The following ABHD5 variants were observed in gnomAD, a reference collection of about 807,000 sequenced individuals.
The protein encoded by ABHD5 is abhydrolase domain containing 5, lysophosphatidic acid acyltransferase, also known as 1-acylglycerol-3-phosphate O-acyltransferase ABHD5.
ABHD5 carries 30 observed loss-of-function variants against 44.9 expected under a neutral mutation model. The ratio of observed to expected loss-of-function variants is 0.67; its 90% confidence interval spans 0.50 to 0.91. The LOEUF is 0.91. ABHD5 is among the 40% of genes least tolerant of loss of function. The probability of loss-of-function intolerance (pLI) is 0.00; values close to 1 mark genes in which losing one functional copy is unlikely to be tolerated. For synonymous variants in ABHD5, 167 were observed against 147.0 expected (o/e 1.14, Z -0.99); for missense variants, 399 against 423.4 (o/e 0.94, Z 0.50).
intron 5 of ABHD5, 60 bp from the exon 6 acceptor site, chr3:43,717,611 A>G: frequency 6.5e-7 from 1 of 1,530,504 alleles, no homozygotes; most frequent in Non-Finnish European, 9.1e-7. Flanking sequence ...TAGAAGTGAC[A>G]GTGCAATGCA....
intron 3 of ABHD5, among the ~76,000 whole-genome samples, chr3:43,705,224 C>G (rs1198263764): frequency 1.3e-5 from 2 of 152,090 alleles, no homozygotes; most frequent in South Asian, 4.1e-4. Context: ...ATAGAAGTAT[C>G]AAGAGATAAG....
At chr3:43,724,140 T>C (rs2084862631), downstream of ABHD5, among the ~76,000 whole-genome samples, 2 of 152,146 alleles carry the variant, frequency 1.3e-5, no homozygotes, top group South Asian at 4.1e-4. Context: ...GTTTAGAATT[T>C]CCATAGTAGA....
chr3:43,699,531 C>A, intron 2 of ABHD5, 170 bp downstream of exon 2: 1 of 686,732 alleles, frequency 1.5e-6, no homozygotes, highest in Non-Finnish European at 2.5e-6. Context: ...CGGGGGCTGG[C>A]AGGTAGGAGT....
chr3:43,714,959 T>C lies in ABHD5; in HGVS notation c.674T>C (p.Val225Ala), dbSNP rs2084742775. The change falls in exon 5 of 7, where the codon GTG becomes GCG. Residue 225 changes from valine to alanine, a missense_variant. Coordinates refer to ENST00000644371, the MANE Select transcript of ABHD5 (RefSeq NM_016006.6). ...RIAGPFGLSLVQRLRPDFKRK... is the reference protein window; with the variant it reads ...RIAGPFGLSLAQRLRPDFKRK... ...TCCTGTTAAATAGGTTTAAGTCTAG[T>C]GCAGCGTTTAAGGCCTGATTTCAAA... The C allele has an allele frequency of 6.2e-7, 1 of 1,612,730 alleles. No individual in the cohort carries two copies. The highest frequency in any genetic ancestry group is 8.5e-7 in the Non-Finnish European group (1 of 1,178,958).
downstream of ABHD5, among the ~76,000 whole-genome samples, chr3:43,724,930 T>C (rs913781203): frequency 6.6e-6 from 1 of 152,240 alleles, no homozygotes; most frequent in African/African-American, 2.4e-5. Flanking sequence ...ATATTCATTA[T>C]ATTTTAATGA....
intron 1 of ABHD5, among the ~76,000 whole-genome samples, chr3:43,697,370 C>T (rs908438920): frequency 1.3e-5 from 2 of 151,988 alleles, no homozygotes; most frequent in East Asian, 1.9e-4. Flanking sequence ...CTGATTCTCT[C>T]TGGCAAATAA....
downstream of ABHD5, among the ~76,000 whole-genome samples, chr3:43,727,633 G>C (rs146886514): frequency 1.5e-3 from 221 of 152,280 alleles, 1 homozygote; most frequent in African/African-American, 5.1e-3. Context: ...TTTTGAGGCA[G>C]AGTTTCGCTC....
chr3:43,709,564 G>A (rs1286893979), intron 3 of ABHD5, among the ~76,000 whole-genome samples: 1 of 152,106 alleles, frequency 6.6e-6, no homozygotes, highest in East Asian at 1.9e-4. Flanking sequence ...AATTGTTTAG[G>A]GTAGGGTATG....
At chr3:43,692,911 A>T (rs139599234) in intron 1 of ABHD5, among the ~76,000 whole-genome samples, 4 of 152,216 alleles carry the variant, frequency 2.6e-5, no homozygotes, top group African/African-American at 7.2e-5. Flanking sequence ...TAGGGAGATA[A>T]CATTAACAAA....
At chr3:43,726,231 G>A (rs1392401365), downstream of ABHD5, among the ~76,000 whole-genome samples, 2 of 152,162 alleles carry the variant, frequency 1.3e-5, no homozygotes, top group African/African-American at 4.8e-5. Flanking sequence ...ATGATGAAAT[G>A]TTGAGGCCAA....
chr3:43,712,822 A>G lies in ABHD5; in HGVS notation c.661+959A>G, dbSNP rs1038961839. 5.3e-5 allele frequency among the ~76,000 whole-genome samples: 8 copies of G among 152,222 alleles called. No individual in the cohort carries two copies. In the East Asian group the frequency reaches 5.8e-4, roughly 11 times the overall value. ...GCCCTGAGCAAAAAGAAATAAAAGC[A>G]CGAAAAATGGTCCTTCTCTCCATAA... On this transcript the variant is annotated intron_variant, in intron 4 of 6. Coordinates refer to ENST00000644371, the MANE Select transcript of ABHD5 (RefSeq NM_016006.6).
At chr3:43,728,540 G>A (rs2084892934) in intron 7 of ABHD5, among the ~76,000 whole-genome samples, 1 of 152,146 alleles carries the variant, frequency 6.6e-6, no homozygotes, top group Non-Finnish European at 1.5e-5. Flanking sequence ...TGATAAAGGA[G>A]GAATTTGGAA....
chr3:43,717,855 A>G lies in ABHD5; in HGVS notation c.958A>G (p.Ile320Val), dbSNP rs764907762. 8.7e-6 allele frequency: 14 copies of G among 1,614,032 alleles called. No individual in the cohort carries two copies. The highest frequency in any genetic ancestry group is 1.2e-5 in the Non-Finnish European group (14 of 1,180,004). ...SLRPHSYVKTIAILGAGHYVY... is the reference protein window; with the variant it reads ...SLRPHSYVKTVAILGAGHYVY... Reference sequence around the variant, plus strand: ...ACGACCACATTCATATGTGAAGACAATAGTAAGTGTGTGGCTTGATTTGGG... The same window carrying G: ...ACGACCACATTCATATGTGAAGACAGTAGTAAGTGTGTGGCTTGATTTGGG... The change falls in exon 6 of 7, where the codon ATA becomes GTA. Residue 320 changes from isoleucine (I) to valine (V), a missense_variant and splice_region_variant. Coordinates refer to ENST00000644371, the MANE Select transcript of ABHD5 (RefSeq NM_016006.6).
intron 5 of ABHD5, among the ~76,000 whole-genome samples, chr3:43,715,360 T>C (rs1036739671): frequency 9.9e-5 from 15 of 152,068 alleles, no homozygotes; most frequent in Non-Finnish European, 2.2e-4. Flanking sequence ...ACGGGGTTTC[T>C]CCATGTTGGT....
rs1021150363 is a variant in ABHD5, at chr3:43,719,634, G to A, written c.*1102G>A. On this transcript the variant is annotated 3_prime_UTR_variant, in exon 7 of 7. Transcript: ENST00000644371. Reference sequence around the variant, plus strand: ...AAGTTATATTACAAAAATTCTAGAAGGTTGATTGAACTATTTTTTTAGGAA... The same window carrying A: ...AAGTTATATTACAAAAATTCTAGAAAGTTGATTGAACTATTTTTTTAGGAA... 3.9e-5 allele frequency: 6 copies of A among 152,084 alleles called. No individual in the cohort carries two copies. Among genetic ancestry groups the A allele is most frequent in the Non-Finnish European group, 8.8e-5 (6 of 68,000 alleles). 9.4% of individuals were successfully genotyped at this position (152,084 alleles called of 1,614,324 possible). A position where few individuals can be genotyped will look rare whatever the true frequency, so the allele number is the denominator to read the frequency against.
At chr3:43,695,784 G>A (rs1198557453) in intron 1 of ABHD5, among the ~76,000 whole-genome samples, 1 of 152,102 alleles carries the variant, frequency 6.6e-6, no homozygotes, top group East Asian at 1.9e-4. Flanking sequence ...TGGAAAAAGT[G>A]GTGTCTATCT....
chr3:43,694,841 T>C (rs551815351), intron 1 of ABHD5: 1 of 152,332 alleles, frequency 6.6e-6, no homozygotes, highest in South Asian at 2.1e-4. Flanking sequence ...TAAAATGGCA[T>C]GTTAGTCACT....
chr3:43,715,343 A>ATTTT (rs1357537624), intron 5 of ABHD5, among the ~76,000 whole-genome samples: 3 of 151,928 alleles, frequency 2.0e-5, no homozygotes, highest in Non-Finnish European at 4.4e-5. Context: ...TTGTATTTTT[A>ATTTT]GTAGAGACGG....
intron 2 of ABHD5, among the ~76,000 whole-genome samples, chr3:43,700,529 A>G (rs1399420789): frequency 6.6e-6 from 1 of 151,938 alleles, no homozygotes; most frequent in East Asian, 1.9e-4. Flanking sequence ...GTAAGTGACC[A>G]TAACTGGATA....
Sources: allele counts gnomAD v4.1 joint callset (sites outside exome capture counted in the v4.1 genomes callset), GRCh38; gene constraint gnomAD v4.1.1; transcripts MANE v1.5; gene names NCBI Gene and HGNC (gene_info 2026-07-23, HGNC 2026-07-21).